PDGFD: variants seen among roughly 807,000 people sequenced by gnomAD.
PDGFD encodes the protein platelet derived growth factor D.
A neutral mutation model predicts 44.7 loss-of-function variants in PDGFD; 30 were observed. The observed-to-expected ratio is 0.67, with a 90% confidence interval of 0.50 to 0.91. The LOEUF is 0.91. PDGFD is among the 40% of genes least tolerant of loss of function. The pLI is 0.00. For missense variants in PDGFD, 445 were observed against 457.8 expected (o/e 0.97, Z 0.25); for synonymous variants, 173 against 168.4 (o/e 1.03, Z -0.21).
intron 1 of PDGFD, among the ~76,000 whole-genome samples, chr11:104,042,682 C>T (rs1565319077): frequency 1.3e-5 from 2 of 152,036 alleles, no homozygotes; most frequent in African/African-American, 4.8e-5. Context: ...ATTTTTCTAC[C>T]GTTAATCAAT....
At chr11:104,054,994 G>A (rs555043612) in intron 1 of PDGFD, among the ~76,000 whole-genome samples, 1 of 152,306 alleles carries the variant, frequency 6.6e-6, no homozygotes, top group Non-Finnish European at 1.5e-5. Context: ...CATTATGCAA[G>A]TAGCATCTGG....
At chr11:104,000,401 C>CT (rs1239526107) in intron 1 of PDGFD, 146 bp from the exon 2 acceptor site, 12 of 687,884 alleles carry the variant, frequency 1.7e-5, no homozygotes, top group Non-Finnish European at 2.7e-5. Context: ...AATAAACAAA[C>CT]TTTTTTTCTC....
intron 1 of PDGFD, among the ~76,000 whole-genome samples, chr11:104,032,685 C>A (rs1860147965): frequency 6.7e-6 from 1 of 149,108 alleles, no homozygotes; most frequent in African/African-American, 2.5e-5. Flanking sequence ...TAGAAAGAGG[C>A]AAATTACAAA....
intron 6 of PDGFD, among the ~76,000 whole-genome samples, chr11:103,913,279 A>G (rs1199129296): frequency 6.6e-6 from 1 of 152,200 alleles, no homozygotes; most frequent in Non-Finnish European, 1.5e-5. Context: ...AATGCAAAAG[A>G]ACAGAAATCC....
intron 1 of PDGFD, chr11:104,038,010 T>C: frequency 6.2e-7 from 1 of 1,609,394 alleles, no homozygotes; most frequent in Non-Finnish European, 8.5e-7. Flanking sequence ...GAAAAGAGCA[T>C]TAAAGCACGT....
chr11:104,082,227 C>A (rs1861056535), intron 1 of PDGFD, among the ~76,000 whole-genome samples: 1 of 150,132 alleles, frequency 6.7e-6, no homozygotes. Flanking sequence ...CTCAAGCTCT[C>A]AACAAGTTGC....
At chr11:104,099,651 TAA>T (rs1861341195) in intron 1 of PDGFD, among the ~76,000 whole-genome samples, 1 of 147,648 alleles carries the variant, frequency 6.8e-6, no homozygotes, top group Non-Finnish European at 1.5e-5. Context: ...ATAATAATAA[TAA>T]TAATAATAAT....
chr11:104,093,975 G>A (rs867671938), intron 1 of PDGFD, among the ~76,000 whole-genome samples: 45 of 150,944 alleles, frequency 3.0e-4, no homozygotes, highest in African/African-American at 1.0e-3. Context: ...TTAAAGACTT[G>A]CTTACATGTG....
chr11:104,066,996 G>C (rs528639893), intron 1 of PDGFD, among the ~76,000 whole-genome samples: 3 of 152,252 alleles, frequency 2.0e-5, no homozygotes, highest in African/African-American at 4.8e-5. Flanking sequence ...CACTGTGTTA[G>C]GTGCTGGTGA....
chr11:104,037,642 G>C (rs772649846), intron 1 of PDGFD: 4 of 1,614,000 alleles, frequency 2.5e-6, no homozygotes, highest in East Asian at 2.2e-5. Context: ...GGCTTGTGCC[G>C]AGCGATGTAA....
chr11:104,009,332 T>C (rs962121642), intron 1 of PDGFD, among the ~76,000 whole-genome samples: 1 of 152,112 alleles, frequency 6.6e-6, no homozygotes, highest in Non-Finnish European at 1.5e-5. Context: ...AATCGGTGAC[T>C]GACTAGATTC....
chr11:104,002,093 C>T (rs1431489780), intron 1 of PDGFD, among the ~76,000 whole-genome samples: 1 of 152,166 alleles, frequency 6.6e-6, no homozygotes, highest in Non-Finnish European at 1.5e-5. Flanking sequence ...GGCAGCACTT[C>T]CAACAAGGAC....
chr11:104,087,021 CT>C (rs528848924), intron 1 of PDGFD, among the ~76,000 whole-genome samples: 27 of 103,204 alleles, frequency 2.6e-4, no homozygotes, highest in African/African-American at 8.9e-4. Context: ...GGCTCTTAGT[CT>C]TTTTTTTTTT....
intron 1 of PDGFD, among the ~76,000 whole-genome samples, chr11:104,137,728 C>CTTTTT (rs5794295): frequency 2.6e-5 from 2 of 76,616 alleles, no homozygotes; most frequent in African/African-American, 4.7e-5. Flanking sequence ...TAGATCACCA[C>CTTTTT]TTTTTTTTTT....
chr11:104,129,205 T>C (rs1861881483), intron 1 of PDGFD, among the ~76,000 whole-genome samples: 1 of 150,834 alleles, frequency 6.6e-6, no homozygotes, highest in Non-Finnish European at 1.5e-5. Flanking sequence ...TCCCACTCTG[T>C]CACTGTCATC....
chr11:104,041,803 G>A (rs1311853135), intron 1 of PDGFD, among the ~76,000 whole-genome samples: 1 of 152,122 alleles, frequency 6.6e-6, no homozygotes, highest in Non-Finnish European at 1.5e-5. Context: ...TGTTTCTAGG[G>A]GGAAATCTGT....
chr11:104,083,289 C>G (rs568099475), intron 1 of PDGFD, among the ~76,000 whole-genome samples: 4 of 152,038 alleles, frequency 2.6e-5, no homozygotes, highest in Non-Finnish European at 4.4e-5. Context: ...AACTTTGATC[C>G]GCCCAAAGGT....
Position 104,000,166 on chromosome 11 carries a change from T to C in PDGFD, c.214A>G (p.Ser72Gly), listed in dbSNP as rs1859599204. 6.2e-7 allele frequency: 1 copy of C among 1,614,080 alleles called. No homozygotes were observed. The highest frequency in any genetic ancestry group is 8.5e-7 in the Non-Finnish European group (1 of 1,179,978). ...GYVQSPRFPNSYPRNLLLTWR... is the reference protein window; with the variant it reads ...GYVQSPRFPNGYPRNLLLTWR... ...GTCAGGAGCAGGTTCCTGGGGTAGC[T>C]GTTCGGGAATCTAGGACTCTGCACG... is the stretch of plus-strand genomic sequence containing the variant. Residue 72 changes from serine to glycine, a missense_variant, in exon 2 of 7, where the codon AGC becomes GGC. Transcript: ENST00000393158.
intron 3 of PDGFD, among the ~76,000 whole-genome samples, chr11:103,990,633 ATTGCAGCTC>A (rs1859435325): frequency 6.6e-6 from 1 of 152,142 alleles, no homozygotes; most frequent in Non-Finnish European, 1.5e-5. Context: ...ATGAAACTAT[ATTGCAGCTC>A]TTGCAGCTCT....
Sources: allele counts gnomAD v4.1 joint callset (sites outside exome capture counted in the v4.1 genomes callset), GRCh38; gene constraint gnomAD v4.1.1; transcripts MANE v1.5; gene names NCBI Gene and HGNC (gene_info 2026-07-23, HGNC 2026-07-21).